CDC42BPB: variants seen among roughly 807,000 people sequenced by gnomAD.
CDC42BPB encodes serine/threonine-protein kinase MRCK beta.
A neutral mutation model predicts 214.9 loss-of-function variants in CDC42BPB; 37 were observed. That is an observed-to-expected ratio of 0.17 (90% CI 0.13 to 0.23). CDC42BPB has a LOEUF of 0.23. Among genes scored for constraint, CDC42BPB ranks in the 10% least tolerant of loss-of-function variants. The pLI is 1.00. For missense variants in CDC42BPB, 1,694 were observed against 2,227.0 expected (o/e 0.76, Z 4.82); for synonymous variants, 931 against 884.0 (o/e 1.05, Z -0.94).
intron 1 of CDC42BPB, among the ~76,000 whole-genome samples, chr14:103,027,016 C>CA (rs1337846931): frequency 1.3e-5 from 2 of 152,250 alleles, no homozygotes; most frequent in East Asian, 3.9e-4. Flanking sequence ...TAAAAATGGG[C>CA]AAAGGATCTG....
intron 12 of CDC42BPB, chr14:102,972,461 C>T (rs544386555): frequency 6.4e-5 from 18 of 281,928 alleles, no homozygotes; most frequent in Non-Finnish European, 7.5e-5. Flanking sequence ...CCAAGGTGGG[C>T]GGGTCACCTG....
chr14:103,008,757 T>C, intron 2 of CDC42BPB: 1 of 878,178 alleles, frequency 1.1e-6, no homozygotes, highest in Non-Finnish European at 1.4e-6. Flanking sequence ...CCACGTGGGC[T>C]CCGGAGTTTC....
At chr14:103,003,880 T>C (rs1352170530) in intron 4 of CDC42BPB, 48 bp downstream of exon 4, 4 of 1,470,062 alleles carry the variant, frequency 2.7e-6, no homozygotes, top group Non-Finnish European at 3.8e-6. Flanking sequence ...CATAAAGGAA[T>C]AAAGCCGGAG....
intron 18 of CDC42BPB, 157 bp from the exon 19 acceptor site, chr14:102,964,807 G>A (rs1000131401): frequency 1.0e-6 from 1 of 976,452 alleles, no homozygotes; most frequent in Non-Finnish European, 1.2e-6. Flanking sequence ...TTTTAGTTTT[G>A]ATATTTTATG....
In CDC42BPB at chr14:102,986,179, C is replaced by G. The variant is rs929938114; in HGVS notation, c.690+308G>C. 2.1e-5 allele frequency: 6 copies of G among 285,922 alleles called. No individual in the cohort carries two copies. The South Asian group carries it at 2.4e-4, about 12-fold the overall frequency. 17.7% of individuals were successfully genotyped at this position (285,922 alleles called of 1,614,324 possible). On this transcript the variant is annotated intron_variant, in intron 6 of 36. Coordinates refer to ENST00000361246, the MANE Select transcript of CDC42BPB (RefSeq NM_006035.4). ...GGCCCTTTAAGGAAGAAGCAGGGAG[C>G]GCCCTCGATCTGCTACAGGGCTGGC...
intron 1 of CDC42BPB, among the ~76,000 whole-genome samples, chr14:103,046,773 C>T (rs1311369288): frequency 6.6e-6 from 1 of 151,942 alleles, no homozygotes; most frequent in Non-Finnish European, 1.5e-5. Context: ...CCTGCCTCAG[C>T]CACAAGAGTA....
intron 9 of CDC42BPB, among the ~76,000 whole-genome samples, chr14:102,977,144 A>T (rs1023283163): frequency 3.3e-5 from 5 of 152,018 alleles, no homozygotes; most frequent in African/African-American, 1.2e-4. Flanking sequence ...GATCGAGACC[A>T]TCTGGCCAAT....
At chr14:102,970,291 C>G in intron 13 of CDC42BPB, 30 bp from the exon 14 acceptor site, 1 of 1,587,346 alleles carries the variant, frequency 6.3e-7, no homozygotes, top group East Asian at 2.3e-5. Flanking sequence ...TTTCTATTAA[C>G]AAAAAGCGAG....
chr14:102,937,504 C>G (rs1169278429), intron 36 of CDC42BPB, among the ~76,000 whole-genome samples: 1 of 152,204 alleles, frequency 6.6e-6, no homozygotes, highest in Non-Finnish European at 1.5e-5. Context: ...GCCTGCATCC[C>G]TCCCTCCCTC....
At chr14:102,971,462 C>T (rs924214866) in intron 13 of CDC42BPB, among the ~76,000 whole-genome samples, 1 of 152,188 alleles carries the variant, frequency 6.6e-6, no homozygotes, top group African/African-American at 2.4e-5. Flanking sequence ...ACCTAAGCGG[C>T]GGCCTGAAGT....
At chr14:102,964,726 T>C (rs527738202) in intron 18 of CDC42BPB, 76 bp from the exon 19 acceptor site, 3 of 1,479,434 alleles carry the variant, frequency 2.0e-6, no homozygotes, top group East Asian at 2.5e-5. Flanking sequence ...AAATAAGTTA[T>C]CTTTGTCTAA....
chr14:102,933,491 A>G lies in CDC42BPB; in HGVS notation c.*221T>C, dbSNP rs1037751500. Reference sequence around the variant, plus strand: ...GGGGTCCTTCATGTGCAGATGGAACAGCATCGCCTCACAGCTGTGCAGACG... The same window carrying G: ...GGGGTCCTTCATGTGCAGATGGAACGGCATCGCCTCACAGCTGTGCAGACG... On this transcript the variant is annotated 3_prime_UTR_variant, in exon 37 of 37. Coordinates refer to ENST00000361246, the MANE Select transcript of CDC42BPB (RefSeq NM_006035.4). 1 of 423,466 alleles carries G rather than the reference A, an allele frequency of 2.4e-6. No individual in the cohort carries two copies. Among genetic ancestry groups the G allele is most frequent in the African/African-American group, 2.1e-5 (1 of 48,618 alleles). 26.2% of individuals were successfully genotyped at this position (423,466 alleles called of 1,614,324 possible).
chr14:102,985,442 GGGTGGTGT>G (rs1427300791), intron 6 of CDC42BPB, among the ~76,000 whole-genome samples: 1 of 152,112 alleles, frequency 6.6e-6, no homozygotes, highest in South Asian at 2.1e-4. Flanking sequence ...TACTGTGACA[GGGTGGTGT>G]GGAGGTGTGG....
chr14:103,056,461 A>G (rs1888957389), intron 1 of CDC42BPB, among the ~76,000 whole-genome samples: 1 of 151,902 alleles, frequency 6.6e-6, no homozygotes, highest in South Asian at 2.1e-4. Flanking sequence ...GCAGTGGGCG[A>G]GGCAGATGCA....
intron 26 of CDC42BPB, chr14:102,948,061 AT>A: frequency 1.4e-6 from 1 of 726,828 alleles, no homozygotes; most frequent in Non-Finnish European, 1.7e-6. Context: ...CCTCCAGACT[AT>A]GCCAGTTACA....
At chr14:103,024,191 T>C (rs952700679) in intron 1 of CDC42BPB, among the ~76,000 whole-genome samples, 2 of 152,246 alleles carry the variant, frequency 1.3e-5, no homozygotes, top group Non-Finnish European at 2.9e-5. Context: ...TCTACGCATC[T>C]TCCTCCTGGA....
intron 1 of CDC42BPB, among the ~76,000 whole-genome samples, chr14:103,023,737 A>G (rs1886896326): frequency 6.6e-6 from 1 of 152,162 alleles, no homozygotes; most frequent in South Asian, 2.1e-4. Context: ...AAACATATAC[A>G]CTTTTATTAA....
intron 5 of CDC42BPB, among the ~76,000 whole-genome samples, chr14:102,991,903 ACTGT>A (rs1169843260): frequency 6.6e-6 from 1 of 152,256 alleles, no homozygotes; most frequent in Non-Finnish European, 1.5e-5. Flanking sequence ...TCAGAGCCTC[ACTGT>A]CTAACATGGT....
At chr14:102,956,926 C>G (rs1892731444) in intron 21 of CDC42BPB, among the ~76,000 whole-genome samples, 1 of 149,956 alleles carries the variant, frequency 6.7e-6, no homozygotes, top group Admixed American at 6.7e-5. Context: ...CACCTGTAAT[C>G]CCAGCACTTT....
Sources: allele counts gnomAD v4.1 joint callset (sites outside exome capture counted in the v4.1 genomes callset), GRCh38; gene constraint gnomAD v4.1.1; transcripts MANE v1.5; gene names NCBI Gene and HGNC (gene_info 2026-07-23, HGNC 2026-07-21).